Variants in VWA2 observed in about 807,000 individuals in gnomAD.
The protein encoded by VWA2 is von Willebrand factor A domain-containing protein 2.
In VWA2, 73 loss-of-function variants were observed where a neutral mutation model predicts 70.4. That is an observed-to-expected ratio of 1.04 (90% CI 0.86 to 1.26). The LOEUF is 1.26. Among genes scored for constraint, VWA2 ranks in the 50% most tolerant of loss-of-function variants. The pLI is 0.00. For synonymous variants in VWA2, 407 were observed against 423.3 expected (o/e 0.96, Z 0.47); for missense variants, 1,011 against 998.5 (o/e 1.01, Z -0.17).
intron 5 of VWA2, among the ~76,000 whole-genome samples, chr10:114,261,925 C>T (rs2037452519): frequency 6.6e-6 from 1 of 152,112 alleles, no homozygotes; most frequent in Non-Finnish European, 1.5e-5. Context: ...CAGGAAGCTT[C>T]CAATCATGGC....
At chr10:114,281,710 G>A in intron 8 of VWA2, 1 of 984,904 alleles carries the variant, frequency 1.0e-6, no homozygotes, top group Non-Finnish European at 1.2e-6. Context: ...GAGGGGCGGG[G>A]CTGGGGCACT....
At position 114,243,091 on chromosome 10, in the gene VWA2, C is replaced by T. The variant is rs527297497; in HGVS notation, c.-11+3522C>T. On this transcript the variant is annotated intron_variant, in intron 1 of 13. Coordinates refer to ENST00000392982, the MANE Select transcript of VWA2 (RefSeq NM_001272046.2). ...ATCCCAGTGTCCCATACAGTGAAAT[C>T]GGGTTGTGTACAATTTAAAGCATTT... 2.6e-5 allele frequency among the ~76,000 whole-genome samples: 4 copies of T among 152,270 alleles called. No homozygotes were observed. The East Asian group carries it at 5.8e-4, about 22-fold the overall frequency.
chr10:114,278,655 T>G (rs1589765961), intron 7 of VWA2, 64 bp from the exon 8 acceptor site: 1 of 1,596,356 alleles, frequency 6.3e-7, no homozygotes, highest in Admixed American at 1.7e-5. Context: ...TGGGGAAGCG[T>G]GTGTGGCAGG....
At chr10:114,266,503 C>T (rs142265114) in intron 5 of VWA2, among the ~76,000 whole-genome samples, 78 of 152,160 alleles carry the variant, frequency 5.1e-4, no homozygotes, top group African/African-American at 1.7e-3. Flanking sequence ...CTTTCCAGAC[C>T]GAGGCAGTCC....
intron 1 of VWA2, among the ~76,000 whole-genome samples, chr10:114,240,914 G>A (rs2036964622): frequency 6.6e-6 from 1 of 152,204 alleles, no homozygotes; most frequent in Non-Finnish European, 1.5e-5. Context: ...ATCTCTGGCT[G>A]AAAACCATCA....
chr10:114,274,157 G>A (rs1203280411), intron 6 of VWA2, among the ~76,000 whole-genome samples: 1 of 152,254 alleles, frequency 6.6e-6, no homozygotes, highest in African/African-American at 2.4e-5. Flanking sequence ...CGGAAGCCCA[G>A]CAAGCAAGTG....
chr10:114,246,523 A>C (rs2037075431), intron 1 of VWA2: 4 of 806,436 alleles, frequency 5.0e-6, no homozygotes, highest in East Asian at 5.1e-5. Flanking sequence ...AAAAAAAAAA[A>C]AACGAGTATC....
At chr10:114,278,947 AT>A in intron 8 of VWA2, 96 bp downstream of exon 8, 1 of 1,548,656 alleles carries the variant, frequency 6.5e-7, no homozygotes, top group Non-Finnish European at 8.7e-7. Context: ...TGCCATGGAG[AT>A]TGTGACAGGG....
intron 5 of VWA2, among the ~76,000 whole-genome samples, chr10:114,265,177 G>A (rs1447939061): frequency 6.6e-6 from 1 of 152,208 alleles, no homozygotes; most frequent in Non-Finnish European, 1.5e-5. Context: ...AGATAGTGGT[G>A]ATGGTTGCAC....
At chr10:114,262,851 C>T (rs927771289) in intron 5 of VWA2, among the ~76,000 whole-genome samples, 5 of 152,166 alleles carry the variant, frequency 3.3e-5, no homozygotes, top group East Asian at 1.9e-4. Flanking sequence ...TAGTGCACAT[C>T]GGCCTTTTCT....
chr10:114,245,308 G>T (rs1019386715), intron 1 of VWA2, among the ~76,000 whole-genome samples: 1 of 152,196 alleles, frequency 6.6e-6, no homozygotes, highest in African/African-American at 2.4e-5. Flanking sequence ...GAAGGGGACT[G>T]TGTTTACTGG....
intron 9 of VWA2, among the ~76,000 whole-genome samples, chr10:114,282,777 G>T (rs1052285019): frequency 6.6e-6 from 1 of 152,192 alleles, no homozygotes; most frequent in Non-Finnish European, 1.5e-5. Context: ...GCGGCTTTGG[G>T]ATTACTCCCC....
At chr10:114,278,961 C>G (rs548525178) in intron 8 of VWA2, 110 bp downstream of exon 8, 2 of 1,508,274 alleles carry the variant, frequency 1.3e-6, no homozygotes, top group Non-Finnish European at 1.8e-6. Flanking sequence ...TGACAGGGAT[C>G]GAAGGAGACC....
intron 5 of VWA2, among the ~76,000 whole-genome samples, chr10:114,265,695 T>C (rs1255540001): frequency 1.3e-5 from 2 of 151,144 alleles, no homozygotes; most frequent in Non-Finnish European, 2.9e-5. Context: ...ATTTATGACA[T>C]ATGAAATGGA....
At chr10:114,256,845 G>A (rs1339441567) in intron 4 of VWA2, among the ~76,000 whole-genome samples, 4 of 150,068 alleles carry the variant, frequency 2.7e-5, no homozygotes, top group Non-Finnish European at 2.9e-5. Flanking sequence ...AGGAGGCAGA[G>A]GTTGCAGTGA....
chr10:114,273,907 G>C (rs1589761380), intron 6 of VWA2, among the ~76,000 whole-genome samples: 1 of 152,196 alleles, frequency 6.6e-6, no homozygotes, highest in Non-Finnish European at 1.5e-5. Context: ...ATAAAGTAGG[G>C]TAAGAGGCTA....
At chr10:114,285,751 G>A (rs1484336459) in intron 10 of VWA2, among the ~76,000 whole-genome samples, 188 bp from the exon 11 acceptor site, 1 of 152,248 alleles carries the variant, frequency 6.6e-6, no homozygotes, top group Non-Finnish European at 1.5e-5. Flanking sequence ...GAGACCCTTA[G>A]CGAGTGCCAG....
chr10:114,250,055 T>G (rs1207988437), intron 2 of VWA2, among the ~76,000 whole-genome samples: 1 of 152,138 alleles, frequency 6.6e-6, no homozygotes, highest in African/African-American at 2.4e-5. Context: ...TCCCCATCCT[T>G]AGGCCCCAGC....
chr10:114,247,861 G>A (rs528844261), intron 1 of VWA2, among the ~76,000 whole-genome samples: 2 of 152,074 alleles, frequency 1.3e-5, no homozygotes, highest in African/African-American at 4.8e-5. Flanking sequence ...GAGGGCCCCT[G>A]GGTTCATGTA....
Sources: allele counts gnomAD v4.1 joint callset (sites outside exome capture counted in the v4.1 genomes callset), GRCh38; gene constraint gnomAD v4.1.1; transcripts MANE v1.5; gene names NCBI Gene and HGNC (gene_info 2026-07-23, HGNC 2026-07-21).